DNAH11: variants seen among roughly 807,000 people sequenced by gnomAD.
DNAH11 encodes dynein axonemal heavy chain 11, also known as axonemal beta dynein heavy chain 11.
DNAH11 carries 442 observed loss-of-function variants against 526.0 expected under a neutral mutation model. That is an observed-to-expected ratio of 0.84 (90% CI 0.78 to 0.91). The LOEUF (loss-of-function observed/expected upper bound fraction) is 0.91, where lower values mean the gene tolerates loss of function less well. Among genes scored for constraint, DNAH11 ranks in the 40% least tolerant of loss-of-function variants. The probability of loss-of-function intolerance (pLI) is 0.00; values close to 1 mark genes in which losing one functional copy is unlikely to be tolerated. For missense variants in DNAH11, 6,989 were observed against 5,448.7 expected (o/e 1.28, Z -8.90); for synonymous variants, 2,461 against 1,935.9 (o/e 1.27, Z -7.12).
At chr7:21,707,963 A>AG (rs1784333753) in intron 40 of DNAH11, 128 bp downstream of exon 40, 1 of 880,522 alleles carries the variant, frequency 1.1e-6, no homozygotes, top group Non-Finnish European at 1.6e-6. Context: ...GAAATATAGC[A>AG]GATCACAACA....
rs74495061 is a variant in DNAH11, at chr7:21,861,562, C to T, written c.11203-291C>T. 8.6e-3 allele frequency among the ~76,000 whole-genome samples: 1,305 copies of T among 152,212 alleles called. 20 individuals carry two copies. The highest frequency in any genetic ancestry group is 0.03 in the African/African-American group (1,232 of 41,532). On this transcript the variant is annotated intron_variant, in intron 68 of 81. Transcript: ENST00000409508. ...TATGTTATGTGTATCCTACCACAAT[C>T]AAATACTAAAATATTATTTTAAGTA...
At chr7:21,731,281 T>A (rs1039451089) in intron 45 of DNAH11, among the ~76,000 whole-genome samples, 3 of 152,184 alleles carry the variant, frequency 2.0e-5, no homozygotes, top group African/African-American at 7.2e-5. Context: ...TTAACTTTTT[T>A]AAAAAATAAA....
At chr7:21,664,662 T>A (rs1782359000) in intron 30 of DNAH11, among the ~76,000 whole-genome samples, 1 of 152,094 alleles carries the variant, frequency 6.6e-6, no homozygotes, top group Admixed American at 6.6e-5. Context: ...GGTCTAACTA[T>A]GTTGAGCAGG....
chr7:21,695,330 C>G (rs1562494546), intron 35 of DNAH11, among the ~76,000 whole-genome samples: 1 of 152,152 alleles, frequency 6.6e-6, no homozygotes, highest in Non-Finnish European at 1.5e-5. Context: ...ATCACACTAC[C>G]TGACCTCAAA....
At chr7:21,830,914 G>T (rs562150326) in intron 65 of DNAH11, among the ~76,000 whole-genome samples, 1 of 152,290 alleles carries the variant, frequency 6.6e-6, no homozygotes, top group Non-Finnish European at 1.5e-5. Flanking sequence ...GATTACTTAA[G>T]CAGCTTCTCA....
chr7:21,667,085 C>G (rs867480449), intron 30 of DNAH11, among the ~76,000 whole-genome samples: 3 of 152,020 alleles, frequency 2.0e-5, no homozygotes, highest in African/African-American at 7.3e-5. Flanking sequence ...AAATTATGAA[C>G]TCACCTTAAG....
At chr7:21,554,656 A>G (rs1783151170) in intron 2 of DNAH11, among the ~76,000 whole-genome samples, 1 of 152,178 alleles carries the variant, frequency 6.6e-6, no homozygotes, top group South Asian at 2.1e-4. Flanking sequence ...CCAGGTATAA[A>G]AACTGGATTC....
chr7:21,563,503 G>A (rs1337056571), intron 5 of DNAH11, among the ~76,000 whole-genome samples: 3 of 151,900 alleles, frequency 2.0e-5, no homozygotes, highest in African/African-American at 7.3e-5. Context: ...GCCCGCTGTA[G>A]CATTTAAAAA....
intron 6 of DNAH11, 40 bp downstream of exon 6, chr7:21,564,437 C>A: frequency 6.6e-7 from 1 of 1,506,200 alleles, no homozygotes; most frequent in Non-Finnish European, 9.2e-7. Context: ...AGAATTGTTG[C>A]TGTGAGGTAG....
intron 74 of DNAH11, among the ~76,000 whole-genome samples, chr7:21,875,877 CT>C (rs35349937): frequency 0.13 from 10,209 of 78,802 alleles, 96 homozygotes; most frequent in Non-Finnish European, 0.17. Context: ...AAGAATATTT[CT>C]TTTTTTTTTT....
chr7:21,727,361 T>G (rs1458963029), intron 45 of DNAH11, among the ~76,000 whole-genome samples: 3 of 152,250 alleles, frequency 2.0e-5, no homozygotes, highest in African/African-American at 7.2e-5. Flanking sequence ...GTTCAGTGAT[T>G]GTTATTTCTG....
intron 81 of DNAH11, among the ~76,000 whole-genome samples, chr7:21,900,419 T>TAATC (rs1411930652): frequency 1.3e-5 from 2 of 152,208 alleles, no homozygotes; most frequent in Admixed American, 1.3e-4. Context: ...CTTTTCAATA[T>TAATC]AATCATTTCA....
At chr7:21,723,732 T>TCCCCCCCCCCCCCCCCCCCCCCCCCCCC (rs1583629008) in intron 44 of DNAH11, among the ~76,000 whole-genome samples, 1 of 136,006 alleles carries the variant, frequency 7.4e-6, no homozygotes. Context: ...CTTCCCCCAC[T>TCCCCCCCCCCCCCCCCCCCCCCCCCCCC]CCCCCACTCC....
chr7:21,637,191 T>TCTCTCTCTCCCTTC (rs1786902305), intron 26 of DNAH11, among the ~76,000 whole-genome samples: 1 of 152,006 alleles, frequency 6.6e-6, no homozygotes, highest in South Asian at 2.1e-4. Context: ...TCTCTCTCTT[T>TCTCTCTCTCCCTTC]CTCTCTCTCC....
chr7:21,859,545 T>C (rs1283948261), intron 68 of DNAH11, among the ~76,000 whole-genome samples: 1 of 152,212 alleles, frequency 6.6e-6, no homozygotes, highest in Non-Finnish European at 1.5e-5. Flanking sequence ...ATAAGACATA[T>C]TCAAGCTATA....
At chr7:21,648,232 A>G (rs1787447364) in intron 28 of DNAH11, among the ~76,000 whole-genome samples, 2 of 152,214 alleles carry the variant, frequency 1.3e-5, no homozygotes, top group African/African-American at 4.8e-5. Context: ...TGCATAAAGA[A>G]CCAATAAAAG....
intron 65 of DNAH11, among the ~76,000 whole-genome samples, chr7:21,833,321 G>A (rs1292255314): frequency 6.6e-6 from 1 of 152,168 alleles, no homozygotes; most frequent in Non-Finnish European, 1.5e-5. Flanking sequence ...GATAGAAGGT[G>A]GTGACACACT....
At chr7:21,696,579 A>G (rs566223672) in intron 35 of DNAH11, among the ~76,000 whole-genome samples, 1 of 152,280 alleles carries the variant, frequency 6.6e-6, no homozygotes, top group Admixed American at 6.5e-5. Flanking sequence ...GACCCAATTT[A>G]TCTCATACTT....
chr7:21,816,640 A>G lies in DNAH11; in HGVS notation c.10506A>G (p.Gly3502=), dbSNP rs775048512. ...WPLVIDPQQQ[G]IKWIKNKYGM... ...TGGTGATAGATCCCCAGCAACAGGG[A>G]ATTAAGTGGATCAAGAATAAGTATG... Residue 3502 remains glycine, a synonymous_variant, in exon 64 of 82, where the codon GGA becomes GGG. Coordinates refer to ENST00000409508, the MANE Select transcript of DNAH11 (RefSeq NM_001277115.2). 2 of 1,613,694 alleles carry G rather than the reference A, an allele frequency of 1.2e-6. No individual in the cohort carries two copies. Among genetic ancestry groups the G allele is most frequent in the East Asian group, 2.2e-5 (1 of 44,864 alleles).
Sources: allele counts gnomAD v4.1 joint callset (sites outside exome capture counted in the v4.1 genomes callset), GRCh38; gene constraint gnomAD v4.1.1; transcripts MANE v1.5; gene names NCBI Gene and HGNC (gene_info 2026-07-23, HGNC 2026-07-21).